Variants in UST observed in about 807,000 individuals in gnomAD.
UST encodes the protein chondroitin sulfate 2-O-sulfotransferase.
Under a neutral mutation model 45.6 loss-of-function variants are expected in UST, and 21 were observed. The observed-to-expected ratio is 0.46, with a 90% confidence interval of 0.33 to 0.66. The LOEUF (loss-of-function observed/expected upper bound fraction) is 0.66, where lower values mean the gene tolerates loss of function less well. Among genes scored for constraint, UST ranks in the 30% least tolerant of loss-of-function variants. UST has a pLI of 0.02. For synonymous variants in UST, 215 were observed against 200.6 expected (o/e 1.07, Z -0.61); for missense variants, 463 against 512.4 (o/e 0.90, Z 0.93).
intron 2 of UST, among the ~76,000 whole-genome samples, chr6:148,895,168 C>T (rs4897066): frequency 0.49 from 74,807 of 151,756 alleles, 19,896 homozygotes; most frequent in African/African-American, 0.71. Flanking sequence ...CTCAGGTTTT[C>T]CCCCCAACCT....
chr6:149,013,390 G>A (rs143044134), intron 5 of UST, among the ~76,000 whole-genome samples: 1,654 of 152,182 alleles, frequency 0.011, 47 homozygotes, highest in African/African-American at 0.038. Flanking sequence ...GCCGGGCATG[G>A]TGGTGGCTGC....
chr6:148,774,217 C>T (rs911338354), intron 1 of UST, among the ~76,000 whole-genome samples: 3 of 151,580 alleles, frequency 2.0e-5, no homozygotes, highest in South Asian at 2.1e-4. Flanking sequence ...GCGTGTGACA[C>T]GGCTATAACT....
chr6:148,958,546 T>C (rs925064730), intron 4 of UST, among the ~76,000 whole-genome samples: 4 of 152,238 alleles, frequency 2.6e-5, no homozygotes, highest in Non-Finnish European at 4.4e-5. Context: ...GTAGGATTTT[T>C]AATATTTGCA....
intron 2 of UST, among the ~76,000 whole-genome samples, chr6:148,923,953 A>G (rs759069359): frequency 2.0e-5 from 3 of 152,150 alleles, no homozygotes; most frequent in East Asian, 3.9e-4. Flanking sequence ...AATATTGGTG[A>G]TATTTCCTTC....
intron 1 of UST, among the ~76,000 whole-genome samples, chr6:148,808,039 A>G: frequency 6.6e-6 from 1 of 151,968 alleles, no homozygotes; most frequent in Non-Finnish European, 1.5e-5. Flanking sequence ...GGTGGGAGGC[A>G]GGGCTGGGGC....
intron 1 of UST, among the ~76,000 whole-genome samples, chr6:148,852,690 A>C (rs185945710): frequency 7.8e-4 from 118 of 152,068 alleles, no homozygotes; most frequent in Admixed American, 3.5e-3. Context: ...CACCTTTATC[A>C]CTTAATTCCT....
At chr6:148,835,197 T>C (rs1777763861) in intron 1 of UST, among the ~76,000 whole-genome samples, 1 of 152,164 alleles carries the variant, frequency 6.6e-6, no homozygotes, top group African/African-American at 2.4e-5. Flanking sequence ...AGTATAACTA[T>C]TAATACATAG....
At chr6:148,861,610 T>G (rs1778314682) in intron 1 of UST, among the ~76,000 whole-genome samples, 1 of 152,226 alleles carries the variant, frequency 6.6e-6, no homozygotes, top group Non-Finnish European at 1.5e-5. Flanking sequence ...TTTTAGATCT[T>G]TCCTGCTTTC....
At chr6:148,985,544 C>CTAATATCTATTA (rs1781223569) in intron 5 of UST, among the ~76,000 whole-genome samples, 2 of 152,108 alleles carry the variant, frequency 1.3e-5, no homozygotes, top group African/African-American at 4.8e-5. Flanking sequence ...GAATAGAAAA[C>CTAATATCTATTA]GTAACCATTA....
intron 2 of UST, among the ~76,000 whole-genome samples, chr6:148,937,068 C>T (rs561763022): frequency 8.5e-5 from 13 of 152,330 alleles, no homozygotes; most frequent in South Asian, 2.1e-4. Flanking sequence ...CCAACATCTA[C>T]ACATTGATTT....
intron 1 of UST, among the ~76,000 whole-genome samples, chr6:148,879,471 A>G (rs1778783426): frequency 6.6e-6 from 1 of 152,248 alleles, no homozygotes. Context: ...GCTAGACAGT[A>G]GAATTATGTG....
intron 2 of UST, among the ~76,000 whole-genome samples, chr6:148,909,811 C>A (rs911180158): frequency 2.6e-5 from 4 of 152,038 alleles, no homozygotes; most frequent in Middle Eastern, 3.2e-3. Flanking sequence ...CACTGTCCCC[C>A]CCGCCACAGC....
chr6:148,999,577 G>T (rs544396990), intron 5 of UST, among the ~76,000 whole-genome samples: 1 of 152,236 alleles, frequency 6.6e-6, no homozygotes, highest in East Asian at 1.9e-4. Context: ...TGTCTCACAG[G>T]GTCTGTAAGA....
At chr6:148,834,614 A>G (rs989827996) in intron 1 of UST, among the ~76,000 whole-genome samples, 12 of 152,212 alleles carry the variant, frequency 7.9e-5, no homozygotes, top group Admixed American at 4.6e-4. Flanking sequence ...GCACGCCTGT[A>G]GTCCCAGCTA....
At chr6:148,953,408 A>G (rs1371945422) in intron 3 of UST, among the ~76,000 whole-genome samples, 1 of 152,230 alleles carries the variant, frequency 6.6e-6, no homozygotes, top group Non-Finnish European at 1.5e-5. Context: ...GCACTGTTTT[A>G]TTCGCTAAGG....
At chr6:148,761,223 T>A (rs57260678) in intron 1 of UST, among the ~76,000 whole-genome samples, 3,130 of 152,098 alleles carry the variant, frequency 0.021, 111 homozygotes, top group African/African-American at 0.072. Context: ...GGTTGATGGG[T>A]CCCCTGAGAC....
intron 7 of UST, among the ~76,000 whole-genome samples, chr6:149,022,757 C>T (rs1229875608): frequency 6.6e-6 from 1 of 152,122 alleles, no homozygotes; most frequent in Admixed American, 6.5e-5. Context: ...CCCTGGATCC[C>T]GTTGCACAAG....
intron 1 of UST, among the ~76,000 whole-genome samples, chr6:148,758,257 C>T (rs575509992): frequency 6.6e-6 from 1 of 152,304 alleles, no homozygotes; most frequent in African/African-American, 2.4e-5. Flanking sequence ...TGACAAGTTC[C>T]GGTAATTCAT....
At chr6:148,863,001 C>T (rs1778350536) in intron 1 of UST, among the ~76,000 whole-genome samples, 1 of 152,142 alleles carries the variant, frequency 6.6e-6, no homozygotes, top group Non-Finnish European at 1.5e-5. Flanking sequence ...CGAGGAGTAT[C>T]TTTGTGGCAT....
Sources: gnomAD v4.1 joint callset for allele counts (sites outside exome capture counted in the v4.1 genomes callset) on GRCh38, gnomAD v4.1.1 for gene constraint, MANE v1.5 for transcripts, NCBI Gene and HGNC (gene_info 2026-07-23, HGNC 2026-07-21) for gene names.